The following PADI2 variants were observed in gnomAD, a reference collection of about 807,000 sequenced individuals.
PADI2 encodes protein-arginine deiminase type-2.
Under a neutral mutation model 81.1 loss-of-function variants are expected in PADI2, and 70 were observed. That is an observed-to-expected ratio of 0.86 (90% CI 0.71 to 1.05). PADI2 has a LOEUF of 1.05. PADI2 is among the 50% of genes least tolerant of loss of function. The probability of loss-of-function intolerance (pLI) is 0.00; values close to 1 mark genes in which losing one functional copy is unlikely to be tolerated. For missense variants in PADI2, 853 were observed against 889.9 expected, an observed-to-expected ratio of 0.96 and a Z score of 0.53; for synonymous variants, 338 against 358.0, an observed-to-expected ratio of 0.94 and a Z score of 0.63.
At chr1:17,070,053 G>A (rs753674633) in intron 15 of PADI2, 35 bp downstream of exon 15, 1 of 1,605,722 alleles carries the variant, frequency 6.2e-7, no homozygotes, top group African/African-American at 1.3e-5. Context: ...CCCTGTACTG[G>A]CATGGGGCGA....
intron 7 of PADI2, among the ~76,000 whole-genome samples, chr1:17,086,043 G>A (rs1263797478): frequency 6.6e-6 from 1 of 152,188 alleles, no homozygotes; most frequent in Admixed American, 6.5e-5. Context: ...CTGGCCCCAG[G>A]GTAGGGCACA....
chr1:17,102,099 T>C (rs142472826), intron 3 of PADI2, among the ~76,000 whole-genome samples: 2 of 152,232 alleles, frequency 1.3e-5, no homozygotes, highest in Admixed American at 1.3e-4. Context: ...GCACTCAGCA[T>C]GCAGTTGACT....
intron 5 of PADI2, among the ~76,000 whole-genome samples, chr1:17,093,365 A>G (rs1032462278): frequency 6.6e-6 from 1 of 152,270 alleles, no homozygotes; most frequent in South Asian, 2.1e-4. Context: ...AAATGCTAGG[A>G]TTACAGGTGT....
chr1:17,084,987 T>A (rs2078374797), intron 7 of PADI2, among the ~76,000 whole-genome samples: 1 of 152,238 alleles, frequency 6.6e-6, no homozygotes, highest in South Asian at 2.1e-4. Flanking sequence ...GAGCCACCCG[T>A]GTGCTTGACC....
chr1:17,074,484 T>G (rs1224323047), intron 13 of PADI2, among the ~76,000 whole-genome samples: 4 of 152,160 alleles, frequency 2.6e-5, no homozygotes, highest in Non-Finnish European at 5.9e-5. Context: ...ATCCTCTTTC[T>G]TCAGCCTCCA....
intron 12 of PADI2, chr1:17,075,193 C>G: frequency 4.7e-6 from 2 of 428,722 alleles, no homozygotes; most frequent in Non-Finnish European, 8.4e-6. Context: ...CAGGACATCT[C>G]CAAGTTGCCA....
At chr1:17,074,473 G>A (rs2078286875) in intron 13 of PADI2, among the ~76,000 whole-genome samples, 1 of 151,936 alleles carries the variant, frequency 6.6e-6, no homozygotes, top group South Asian at 2.1e-4. Flanking sequence ...GGACTCAAGT[G>A]ATCCTCTTTC....
chr1:17,104,557 C>T (rs906017000), intron 2 of PADI2, among the ~76,000 whole-genome samples: 4 of 148,130 alleles, frequency 2.7e-5, no homozygotes, highest in African/African-American at 9.9e-5. Flanking sequence ...GCCTCAGCCT[C>T]CCAAGTAGCT....
chr1:17,087,649 C>T (rs1279715492), intron 6 of PADI2, among the ~76,000 whole-genome samples: 2 of 152,078 alleles, frequency 1.3e-5, no homozygotes, highest in African/African-American at 4.8e-5. Flanking sequence ...TACAGGCGCC[C>T]ACCACCACAT....
At chr1:17,101,388 C>A (rs1028715352) in intron 3 of PADI2, among the ~76,000 whole-genome samples, 10 of 152,158 alleles carry the variant, frequency 6.6e-5, no homozygotes, top group African/African-American at 2.2e-4. Context: ...GCCCTTCCTG[C>A]CCCCGTCCTC....
intron 11 of PADI2, 43 bp from the exon 12 acceptor site, chr1:17,075,866 C>T: frequency 6.3e-7 from 1 of 1,592,922 alleles, no homozygotes; most frequent in Non-Finnish European, 8.6e-7. Flanking sequence ...TTACCCACCG[C>T]ACCAGAGGGC....
chr1:17,086,463 G>T, intron 7 of PADI2, 58 bp downstream of exon 7: 1 of 1,443,478 alleles, frequency 6.9e-7, no homozygotes, highest in Non-Finnish European at 9.4e-7. Flanking sequence ...CCCACTAGTA[G>T]GAGACCCACC....
At chr1:17,081,192 A>G (rs1329702268) in intron 10 of PADI2, among the ~76,000 whole-genome samples, 1 of 152,256 alleles carries the variant, frequency 6.6e-6, no homozygotes, top group Non-Finnish European at 1.5e-5. Flanking sequence ...AGTGTTAGGG[A>G]AAGTGGACAA....
chr1:17,113,790 C>T (rs751171180), intron 1 of PADI2, among the ~76,000 whole-genome samples: 5 of 152,170 alleles, frequency 3.3e-5, no homozygotes, highest in African/African-American at 4.8e-5. Context: ...CAAGGTCTGG[C>T]GTGGCTGGGC....
intron 5 of PADI2, among the ~76,000 whole-genome samples, chr1:17,093,197 G>C (rs1930768477): frequency 6.6e-6 from 1 of 151,662 alleles, no homozygotes; most frequent in South Asian, 2.1e-4. Context: ...CTGGGTTCAA[G>C]TGATTCTCCT....
intron 13 of PADI2, among the ~76,000 whole-genome samples, chr1:17,072,600 A>T (rs1387718520): frequency 6.6e-6 from 1 of 152,158 alleles, no homozygotes; most frequent in African/African-American, 2.4e-5. Flanking sequence ...CTGACTGCAC[A>T]TCCGCGCATC....
chr1:17,107,149 TG>T (rs1347642812), intron 1 of PADI2, among the ~76,000 whole-genome samples: 2 of 152,120 alleles, frequency 1.3e-5, no homozygotes, highest in Non-Finnish European at 2.9e-5. Flanking sequence ...GGGATTCTCG[TG>T]GGATTTGTGA....
intron 4 of PADI2, among the ~76,000 whole-genome samples, chr1:17,093,893 G>A (rs951153657): frequency 3.3e-4 from 50 of 152,232 alleles, no homozygotes; most frequent in African/African-American, 1.2e-3. Flanking sequence ...CACAGAGACA[G>A]GAAGGCTGAC....
Position 17,068,893 on chromosome 1 carries a change from G to A in PADI2, c.*151C>T. ...AGAGGACACTGAGGCCCCTCTCAGGGAGGGCAAGGCACAGATACCCCAAAT... is the reference window on the plus strand; with the variant it reads ...AGAGGACACTGAGGCCCCTCTCAGGAAGGGCAAGGCACAGATACCCCAAAT... On this transcript the variant is annotated 3_prime_UTR_variant, in exon 16 of 16. Transcript: ENST00000375486. The A allele has an allele frequency of 4.6e-6, 3 of 646,822 alleles. No homozygotes were observed. Among genetic ancestry groups the A allele is most frequent in the Non-Finnish European group, 8.3e-6 (3 of 360,910 alleles). The allele number at this position is 646,822 out of a possible 1,614,324, so 40.1% of individuals were successfully genotyped here. A position where few individuals can be genotyped will look rare whatever the true frequency, so the allele number is the denominator to read the frequency against.
Sources: gnomAD v4.1 joint callset for allele counts (sites outside exome capture counted in the v4.1 genomes callset) on GRCh38, gnomAD v4.1.1 for gene constraint, MANE v1.5 for transcripts, NCBI Gene and HGNC (gene_info 2026-07-23, HGNC 2026-07-21) for gene names.